ASS1: variants seen among roughly 807,000 people sequenced by gnomAD.
The protein encoded by ASS1 is argininosuccinate synthase 1.
In ASS1, 58 loss-of-function variants were observed where a neutral mutation model predicts 60.5. The observed-to-expected ratio is 0.96, with a 90% CI of 0.78 to 1.19. ASS1 has a LOEUF of 1.19. ASS1 is among the 50% of genes most tolerant of loss of function. The pLI is 0.00. For synonymous variants in ASS1, 200 were observed against 206.9 expected, an observed-to-expected ratio of 0.97 and a Z score of 0.29; for missense variants, 454 against 547.3, an observed-to-expected ratio of 0.83 and a Z score of 1.70.
At chr9:130,479,602 T>A in intron 9 of ASS1, 114 bp from the exon 10 acceptor site, 1 of 855,200 alleles carries the variant, frequency 1.2e-6, no homozygotes, top group Non-Finnish European at 2.0e-6. Flanking sequence ...TTGGAGTCCA[T>A]ATCTGTCACA....
At chr9:130,480,037 C>T in intron 10 of ASS1, 1 of 697,010 alleles carries the variant, frequency 1.4e-6, no homozygotes, top group Admixed American at 2.1e-5. Context: ...TCCAAGGGAT[C>T]ATTAGGCCGG....
intron 8 of ASS1, among the ~76,000 whole-genome samples, chr9:130,474,789 C>T (rs1038391589): frequency 3.3e-5 from 5 of 152,212 alleles, no homozygotes; most frequent in Non-Finnish European, 5.9e-5. Flanking sequence ...CATAAGGTGG[C>T]GGAAAGAGTC....
At chr9:130,445,717 G>T (rs1845179702) in intron 1 of ASS1, among the ~76,000 whole-genome samples, 2 of 152,318 alleles carry the variant, frequency 1.3e-5, no homozygotes, top group South Asian at 4.2e-4. Flanking sequence ...CTCCAGGGAG[G>T]CAGGGTCATT....
intron 4 of ASS1, among the ~76,000 whole-genome samples, chr9:130,463,697 C>A (rs143142091): frequency 6.6e-6 from 1 of 152,286 alleles, no homozygotes; most frequent in African/African-American, 2.4e-5. Flanking sequence ...ATGGGGGAGT[C>A]CAAGCACCCT....
chr9:130,445,461 G>A (rs181568138), intron 1 of ASS1, among the ~76,000 whole-genome samples: 1 of 152,204 alleles, frequency 6.6e-6, no homozygotes, highest in African/African-American at 2.4e-5. Flanking sequence ...AAAACCAGGA[G>A]TCCAGCCCCT....
In ASS1 at chr9:130,494,953, G is replaced by A. The variant is rs754285392; in HGVS notation, c.1057G>A (p.Val353Ile). The A allele has an allele frequency of 4.3e-5, 69 of 1,613,442 alleles. No individual in the cohort carries two copies. The highest frequency in any genetic ancestry group is 3.7e-4 in the South Asian group (34 of 91,068). The change falls in exon 13 of 15, where the codon GTC becomes ATC. Residue 353 changes from valine to isoleucine, a missense_variant. Transcript: ENST00000352480. This position sits in a 1 kb window ranked among gnomAD's most constrained non-coding sequence, Gnocchi z 4.3. ...ERVEGKVQVSVLKGQVYILGR... is the reference protein window; with the variant it reads ...ERVEGKVQVSILKGQVYILGR... ...AGTGGAAGGGAAAGTGCAGGTGTCCGTCCTCAAGGGCCAGGTGTACATCCT... is the reference window on the plus strand; with the variant it reads ...AGTGGAAGGGAAAGTGCAGGTGTCCATCCTCAAGGGCCAGGTGTACATCCT...
chr9:130,451,878 G>A (rs775445237), intron 1 of ASS1: 84 of 497,422 alleles, frequency 1.7e-4, no homozygotes, highest in Middle Eastern at 3.0e-4. Flanking sequence ...CTGCCTGCGT[G>A]CATTCCTCAC....
At chr9:130,479,399 G>A (rs1390087935) in intron 9 of ASS1, among the ~76,000 whole-genome samples, 1 of 152,166 alleles carries the variant, frequency 6.6e-6, no homozygotes, top group Non-Finnish European at 1.5e-5. Flanking sequence ...GTAAGACAAT[G>A]GTGGAGCGTG....
At chr9:130,452,472 G>C in intron 2 of ASS1, 139 bp downstream of exon 2, 2 of 763,950 alleles carry the variant, frequency 2.6e-6, no homozygotes, top group South Asian at 2.9e-5. Flanking sequence ...CTCGAAGCCT[G>C]TCTTGAACTG....
chr9:130,498,095 T>TGGTGAAGGTCAGGGCCC (rs978709025), intron 13 of ASS1, among the ~76,000 whole-genome samples: 8 of 152,136 alleles, frequency 5.3e-5, no homozygotes, highest in African/African-American at 1.9e-4. Context: ...CTTCAAGGCC[T>TGGTGAAGGTCAGGGCCC]GGTGAAGGTC....
At chr9:130,465,660 G>T (rs1448333769) in intron 5 of ASS1, among the ~76,000 whole-genome samples, 1 of 152,220 alleles carries the variant, frequency 6.6e-6, no homozygotes, top group Non-Finnish European at 1.5e-5. Flanking sequence ...CCCCCAAGGG[G>T]CTCACAGGAG....
intron 13 of ASS1, 45 bp downstream of exon 13, chr9:130,495,068 C>CCTAT (rs767138647): frequency 1.9e-6 from 3 of 1,568,242 alleles, no homozygotes; most frequent in Non-Finnish European, 2.6e-6. Context: ...GGGCACAGAG[C>CCTAT]CTATCTTTTG....
intron 1 of ASS1, chr9:130,450,292 A>G: frequency 2.0e-6 from 2 of 988,082 alleles, no homozygotes; most frequent in Non-Finnish European, 2.4e-6. Flanking sequence ...TGCACTGTGA[A>G]AACAGATTCC....
chr9:130,448,226 C>T (rs115309387), intron 1 of ASS1, among the ~76,000 whole-genome samples: 1 of 152,174 alleles, frequency 6.6e-6, no homozygotes, highest in African/African-American at 2.4e-5. Context: ...AGCAACGCTG[C>T]TGTCTGATTG....
At chr9:130,480,578 C>A (rs1215970) in intron 11 of ASS1, 129 bp downstream of exon 11, 4 of 978,184 alleles carry the variant, frequency 4.1e-6, no homozygotes, top group Non-Finnish European at 4.7e-6. Context: ...GTCCTTTCAC[C>A]ACACCCCGTG....
intron 10 of ASS1, 125 bp from the exon 11 acceptor site, chr9:130,480,260 C>A (rs1846134882): frequency 9.3e-7 from 1 of 1,074,698 alleles, no homozygotes; most frequent in African/African-American, 1.5e-5. Flanking sequence ...CCTCTTGAGT[C>A]TTAGATCCTG....
intron 13 of ASS1, among the ~76,000 whole-genome samples, chr9:130,496,194 G>A (rs964049685): frequency 1.3e-5 from 2 of 152,166 alleles, no homozygotes; most frequent in African/African-American, 4.8e-5. Flanking sequence ...GCCAAGGCAG[G>A]AGGATCGCTT....
At chr9:130,500,764 C>T (rs1197581106) in intron 14 of ASS1, among the ~76,000 whole-genome samples, 2 of 152,104 alleles carry the variant, frequency 1.3e-5, no homozygotes, top group African/African-American at 4.8e-5. Context: ...CAATGACAAA[C>T]AATGTTTTCC....
chr9:130,495,170 C>A, intron 13 of ASS1, 147 bp downstream of exon 13: 1 of 1,181,658 alleles, frequency 8.5e-7, no homozygotes, highest in Non-Finnish European at 1.2e-6. Context: ...CACCACTATG[C>A]TCCCGTGGAA....
Sources: allele counts gnomAD v4.1 joint callset (sites outside exome capture counted in the v4.1 genomes callset), GRCh38; gene constraint gnomAD v4.1.1; non-coding constraint Gnocchi (gnomAD v3.1); transcripts MANE v1.5; gene names NCBI Gene and HGNC (gene_info 2026-07-23, HGNC 2026-07-21).